TMC4: variants seen among roughly 807,000 people sequenced by gnomAD.
TMC4 encodes voltage-gated chloride channel TMC4.
Under a neutral mutation model 82.0 loss-of-function variants are expected in TMC4, and 70 were observed. The observed-to-expected ratio is 0.85, with a 90% confidence interval of 0.70 to 1.04. TMC4 has a LOEUF of 1.04. Ranked by LOEUF, TMC4 falls within the 50% of genes least tolerant of loss-of-function variation. TMC4 has a pLI of 0.00. For missense variants in TMC4, 879 were observed against 899.0 expected (o/e 0.98, Z 0.28); for synonymous variants, 446 against 406.0 (o/e 1.10, Z -1.18).
At position 54,163,833 on chromosome 19, in the gene TMC4, G is replaced by C. The variant is rs34483966; in HGVS notation, c.1168C>G (p.Pro390Ala). The change falls in exon 8 of 15, where the codon CCG (proline) becomes GCG (alanine). Residue 390 changes from proline (P) to alanine (A), a missense_variant. Coordinates refer to ENST00000619895, the MANE Select transcript of TMC4 (RefSeq NM_144686.4). Reference sequence around the variant, plus strand: ...TTGACCCCAGCGATGAAGATGGACGGAAGGTAATTCACCCCAAGCTTCAGC... The same window carrying C: ...TTGACCCCAGCGATGAAGATGGACGCAAGGTAATTCACCCCAAGCTTCAGC... Reference protein sequence around the residue: ...PLLKLGVNYLPSIFIAGVNFV... With the variant: ...PLLKLGVNYLASIFIAGVNFV... The C allele has an allele frequency of 6.2e-7, 1 of 1,613,918 alleles. No individual in the cohort carries two copies. The highest frequency in any genetic ancestry group is 8.5e-7 in the Non-Finnish European group (1 of 1,180,008).
At chr19:54,163,583 A>T in intron 8 of TMC4, 141 bp downstream of exon 8, 1 of 1,052,810 alleles carries the variant, frequency 9.5e-7, no homozygotes, top group Non-Finnish European at 1.5e-6. Flanking sequence ...GGTGTGAGCC[A>T]CTGCACCTGG....
chr19:54,164,293 C>T (rs2146880886), intron 7 of TMC4, 141 bp downstream of exon 7: 1 of 1,151,186 alleles, frequency 8.7e-7, no homozygotes, highest in Non-Finnish European at 1.2e-6. Flanking sequence ...CTTTAAAATC[C>T]CTAAGTCCAG....
At chr19:54,160,595 T>C in intron 13 of TMC4, 50 bp from the exon 14 acceptor site, 1 of 1,612,908 alleles carries the variant, frequency 6.2e-7, no homozygotes, top group Non-Finnish European at 8.5e-7. Context: ...TTCCATTATA[T>C]CCAAACGTCT....
rs993149707 is a variant in TMC4, at chr19:54,169,645, G to A, written c.309C>T (p.Ser103=). Residue 103 remains serine, a synonymous_variant, in exon 3 of 15, where the codon AGC becomes AGT. Coordinates refer to ENST00000619895, the MANE Select transcript of TMC4 (RefSeq NM_144686.4). ...ARRAHRQRNA[S]RDQVVYGSGT... ...CAGAGCCATAGACCACCTGGTCCCTGCTGGCATTTCTTTGCCTGGGAGGGA... is the reference window on the plus strand; with the variant it reads ...CAGAGCCATAGACCACCTGGTCCCTACTGGCATTTCTTTGCCTGGGAGGGA... 14 of 1,613,528 alleles carry A rather than the reference G, an allele frequency of 8.7e-6. No homozygotes were observed. Among genetic ancestry groups the A allele is most frequent in the Middle Eastern group, 1.7e-4 (1 of 6,060 alleles).
intron 5 of TMC4, among the ~76,000 whole-genome samples, chr19:54,166,533 C>G (rs1600571754): frequency 6.6e-6 from 1 of 152,188 alleles, no homozygotes; most frequent in South Asian, 2.1e-4. Context: ...ACATGGTCTC[C>G]TTGCTTCCAC....
Position 54,168,886 on chromosome 19 carries a change from T to C in TMC4, c.443-206A>G, listed in dbSNP as rs1406650740. 3.4e-3 allele frequency among the ~76,000 whole-genome samples: 121 copies of C among 35,592 alleles called. 6 individuals are homozygous for C. Among genetic ancestry groups the C allele is most frequent in the South Asian group, 4.6e-3 (6 of 1,312 alleles). 23.3% of individuals were successfully genotyped at this position (35,592 alleles called of 152,430 possible). On this transcript the variant is annotated intron_variant, in intron 3 of 14. Coordinates refer to ENST00000619895, the MANE Select transcript of TMC4 (RefSeq NM_144686.4). ...TCTTTTCTTTTCTTTTCTTTTCTTT[T>C]CTTTCTTTCCTTTCTTTCTTCTTTC...
chr19:54,164,806 A>G, intron 6 of TMC4: 2 of 654,990 alleles, frequency 3.1e-6, no homozygotes, highest in Non-Finnish European at 5.1e-6. Flanking sequence ...GGCCGGATCC[A>G]GCAACCCAAG....
intron 13 of TMC4, 136 bp from the exon 14 acceptor site, chr19:54,160,681 C>T: frequency 6.7e-7 from 1 of 1,485,186 alleles, no homozygotes; most frequent in Non-Finnish European, 9.1e-7. Context: ...CTCCCAGCCC[C>T]TCCGCCTTCA....
chr19:54,165,708 G>C (rs1459516791), intron 5 of TMC4, 142 bp from the exon 6 acceptor site: 3 of 961,080 alleles, frequency 3.1e-6, no homozygotes, highest in Non-Finnish European at 4.5e-6. Flanking sequence ...GACCAGATGG[G>C]GAAAGAGTCA....
chr19:54,172,076 C>T lies in TMC4; in HGVS notation c.87G>A (p.Ser29=), dbSNP rs146442586. The T allele has an allele frequency of 4.6e-5, 74 of 1,594,764 alleles. No individual in the cohort carries two copies. Among genetic ancestry groups the T allele is most frequent in the Non-Finnish European group, 5.7e-5 (67 of 1,169,160 alleles). The change falls in exon 2 of 15, where the codon TCG becomes TCA. Residue 29 remains serine (S), a synonymous_variant. Coordinates refer to ENST00000619895, the MANE Select transcript of TMC4 (RefSeq NM_144686.4). ...LAPREARGGP[S]LSSVLNELPS... ...GCAGCTCGTTCAGCACAGAAGACAGCGATGGGCCTGGGGAGGAGCAGGGGG... is the reference window on the plus strand; with the variant it reads ...GCAGCTCGTTCAGCACAGAAGACAGTGATGGGCCTGGGGAGGAGCAGGGGG...
chr19:54,171,977 A>ATCC lies in TMC4; in HGVS notation c.183_185dup (p.Glu61dup), dbSNP rs762054111. 9.3e-5 allele frequency: 149 copies of ATCC among 1,608,822 alleles called. No homozygotes were observed. The East Asian group carries it at 2.5e-3, about 27-fold the overall frequency. ...TGAAGGCCTTTCTGCTCCTTCCTCC[A>ATCC]TCCTCCTCCTCCTCCTCCAGCGCCC... On this transcript the variant is annotated inframe_insertion, in exon 2 of 15. Coordinates refer to ENST00000619895, the MANE Select transcript of TMC4 (RefSeq NM_144686.4).
At chr19:54,168,102 C>A in intron 5 of TMC4, 69 bp downstream of exon 5, 1 of 1,494,512 alleles carries the variant, frequency 6.7e-7, no homozygotes, top group Non-Finnish European at 9.0e-7. Flanking sequence ...GAGGGGGTTT[C>A]TGCCACCACC....
rs1482041371 is a variant in TMC4 at position 54,160,162 on chromosome 19, A to G, written c.*144T>C. ...AAGGAAGATCACCCGAGAGTCAGGG[A>G]CGTGGCGGCGAGGGGCCCTGGAAAT... is the stretch of plus-strand genomic sequence containing the variant. On this transcript the variant is annotated 3_prime_UTR_variant, in exon 15 of 15. Coordinates refer to ENST00000619895, the MANE Select transcript of TMC4 (RefSeq NM_144686.4). 1 of 864,798 alleles carries G rather than the reference A, an allele frequency of 1.2e-6. No individual in the cohort carries two copies. The allele number at this position is 864,798 out of a possible 1,614,324, so 53.6% of individuals were successfully genotyped here.
At chr19:54,162,877 C>G in intron 9 of TMC4, 107 bp from the exon 10 acceptor site, 1 of 1,513,500 alleles carries the variant, frequency 6.6e-7, no homozygotes. Flanking sequence ...TCAATACTTT[C>G]TCTGGGGGTC....
At chr19:54,171,660 A>C (rs1478062383) in intron 2 of TMC4, among the ~76,000 whole-genome samples, 1 of 152,214 alleles carries the variant, frequency 6.6e-6, no homozygotes, top group Non-Finnish European at 1.5e-5. Flanking sequence ...AAGAGACCCC[A>C]GAGCCATCGA....
At chr19:54,171,842 C>G (rs779533568) in intron 2 of TMC4, 28 bp downstream of exon 2, 3 of 1,563,950 alleles carry the variant, frequency 1.9e-6, no homozygotes, top group South Asian at 1.2e-5. Context: ...CCGGGCTGTG[C>G]GGGTCCCAGC....
rs1456895047 is a variant in TMC4, at chr19:54,162,402, G to T, written c.1503-117C>A. The T allele has an allele frequency of 5.0e-5, 39 of 780,716 alleles. 1 individual carries two copies. In the Admixed American group the frequency reaches 1.1e-3, roughly 23 times the overall value. The allele number at this position is 780,716 out of a possible 1,614,324, so 48.4% of individuals were successfully genotyped here. On this transcript the variant is annotated intron_variant, in intron 10 of 14. Coordinates refer to ENST00000619895, the MANE Select transcript of TMC4 (RefSeq NM_144686.4). ...GCGTATTGGTGGTGGGGGGGGGGGG[G>T]GCGGGACTTTCAGGACTCCACGTGG...
At position 54,162,090 on chromosome 19, in the gene TMC4, C is replaced by G. The variant is rs373394460; in HGVS notation, c.1686+12G>C. 1.3e-5 allele frequency: 21 copies of G among 1,604,660 alleles called. No individual in the cohort carries two copies. Among genetic ancestry groups the G allele is most frequent in the African/African-American group, 2.7e-5 (2 of 74,696 alleles). On this transcript the variant is annotated intron_variant, in intron 11 of 14. Coordinates refer to ENST00000619895, the MANE Select transcript of TMC4 (RefSeq NM_144686.4). ...TCCTGCCTCAGACCCAAGGGTCCCC[C>G]CTACCCCTTACCTTCTTCAGGTAGA...
At chr19:54,168,031 C>G in intron 5 of TMC4, 140 bp downstream of exon 5, 7 of 1,086,352 alleles carry the variant, frequency 6.4e-6, no homozygotes, top group Non-Finnish European at 9.1e-6. Context: ...CCACTACACT[C>G]TAGCCTGGGC....
Sources: allele counts gnomAD v4.1 joint callset (sites outside exome capture counted in the v4.1 genomes callset), GRCh38; gene constraint gnomAD v4.1.1; transcripts MANE v1.5; gene names NCBI Gene and HGNC (gene_info 2026-07-23, HGNC 2026-07-21).